SHOC2: variants seen among roughly 807,000 people sequenced by gnomAD.
SHOC2 encodes leucine-rich repeat protein SHOC-2.
In SHOC2, 4 loss-of-function variants were observed where a neutral mutation model predicts 50.2. The ratio of observed to expected loss-of-function variants is 0.08; its 90% CI spans 0.04 to 0.18. The LOEUF is 0.18. Among genes scored for constraint, SHOC2 ranks in the 10% least tolerant of loss-of-function variants. The probability of loss-of-function intolerance (pLI) is 1.00; values close to 1 mark genes in which losing one functional copy is unlikely to be tolerated. For synonymous variants in SHOC2, 218 were observed against 244.5 expected (o/e 0.89, Z 1.01); for missense variants, 388 against 669.6 (o/e 0.58, Z 4.64).
chr10:110,986,519 G>A (rs1181681859), intron 3 of SHOC2, among the ~76,000 whole-genome samples: 1 of 151,774 alleles, frequency 6.6e-6, no homozygotes, highest in Non-Finnish European at 1.5e-5. Context: ...TGCCTCTCAG[G>A]CTGGAGTGCA....
At chr10:110,966,248 A>G (rs1847673050) in intron 2 of SHOC2, among the ~76,000 whole-genome samples, 1 of 152,108 alleles carries the variant, frequency 6.6e-6, no homozygotes, top group African/African-American at 2.4e-5. Flanking sequence ...TAGAAAATTT[A>G]TGATAGGTTT....
At chr10:110,938,613 A>G (rs1456954805) in intron 1 of SHOC2, among the ~76,000 whole-genome samples, 1 of 152,210 alleles carries the variant, frequency 6.6e-6, no homozygotes. Context: ...TAAATTTGGG[A>G]TATCTTCTAT....
rs185983817 is a variant in SHOC2, at chr10:110,993,367, G to T, written c.842-7048G>T. Among the ~76,000 whole-genome samples, 216 of 152,286 alleles carry T rather than the reference G, an allele frequency of 1.4e-3. 1 individual carries two copies. Among genetic ancestry groups the T allele is most frequent in the African/African-American group, 4.4e-3 (182 of 41,568 alleles). Reference sequence around the variant, plus strand: ...TCTGATGTTTTCTTCTGGCGTAAAAGAGTTTTGATATTTCATCCTTAATTT... The same window carrying T: ...TCTGATGTTTTCTTCTGGCGTAAAATAGTTTTGATATTTCATCCTTAATTT... On this transcript the variant is annotated intron_variant, in intron 3 of 8. Transcript: ENST00000369452.
At chr10:110,991,525 A>G (rs1008249589) in intron 3 of SHOC2, among the ~76,000 whole-genome samples, 5 of 152,240 alleles carry the variant, frequency 3.3e-5, no homozygotes, top group African/African-American at 9.6e-5. Context: ...CACCAAGTAT[A>G]GTACAGCTGT....
Position 111,011,819 on chromosome 10 carries a change from T to C in SHOC2, c.*1T>C. 6.2e-7 allele frequency: 1 copy of C among 1,611,218 alleles called. No homozygotes were observed. Among genetic ancestry groups the C allele is most frequent in the Non-Finnish European group, 8.5e-7 (1 of 1,177,374 alleles). ...GGGTCCATATCGTGCCATGGTCTGA[T>C]ATAAATCTGCTGGTCCCACACACTG... On this transcript the variant is annotated 3_prime_UTR_variant, in exon 9 of 9. Transcript: ENST00000369452.
chr10:110,961,285 A>C (rs151337399), intron 1 of SHOC2, among the ~76,000 whole-genome samples: 29 of 152,338 alleles, frequency 1.9e-4, no homozygotes, highest in African/African-American at 6.5e-4. Context: ...AGTTGAAGTG[A>C]TTAAAAAACA....
intron 2 of SHOC2, among the ~76,000 whole-genome samples, chr10:110,967,674 C>G (rs1337912552): frequency 6.6e-6 from 1 of 152,096 alleles, no homozygotes; most frequent in African/African-American, 2.4e-5. Context: ...CTTTCTGTCT[C>G]TATAGATTAG....
At chr10:110,959,440 T>G (rs1001049475) in intron 1 of SHOC2, among the ~76,000 whole-genome samples, 1 of 152,214 alleles carries the variant, frequency 6.6e-6, no homozygotes, top group East Asian at 1.9e-4. Context: ...TCTCCAGACC[T>G]GGCCCATTAA....
At chr10:111,003,494 T>C (rs1290784272) in intron 4 of SHOC2, among the ~76,000 whole-genome samples, 1 of 152,228 alleles carries the variant, frequency 6.6e-6, no homozygotes, top group Non-Finnish European at 1.5e-5. Context: ...CTACTAGGTA[T>C]TGTTAACTTA....
intron 1 of SHOC2, among the ~76,000 whole-genome samples, chr10:110,930,145 A>G (rs548129798): frequency 6.6e-4 from 100 of 152,332 alleles, no homozygotes; most frequent in Non-Finnish European, 1.5e-4. Context: ...TAAAAGTTCT[A>G]TTTAATAAAC....
chr10:110,946,640 A>T (rs1847251846), intron 1 of SHOC2, among the ~76,000 whole-genome samples: 1 of 152,162 alleles, frequency 6.6e-6, no homozygotes, highest in African/African-American at 2.4e-5. Flanking sequence ...ATCTATGCAG[A>T]TGGAATAGCT....
intron 1 of SHOC2, among the ~76,000 whole-genome samples, chr10:110,940,910 GTTTTT>G (rs539552844): frequency 5.9e-5 from 7 of 119,482 alleles, no homozygotes; most frequent in Non-Finnish European, 1.0e-4. Flanking sequence ...TTTGTGGTGG[GTTTTT>G]TTTTTTTTTT....
At chr10:110,933,801 A>G (rs1846941606) in intron 1 of SHOC2, among the ~76,000 whole-genome samples, 3 of 152,192 alleles carry the variant, frequency 2.0e-5, no homozygotes, top group African/African-American at 7.2e-5. Context: ...ACAATGTAGT[A>G]AGACCCTGTC....
chr10:110,934,659 T>G (rs145578826), intron 1 of SHOC2, among the ~76,000 whole-genome samples: 1 of 152,322 alleles, frequency 6.6e-6, no homozygotes, highest in Non-Finnish European at 1.5e-5. Context: ...CTTTTATATC[T>G]TACATGGTGA....
intron 3 of SHOC2, among the ~76,000 whole-genome samples, chr10:110,991,891 T>C (rs1848192331): frequency 6.6e-6 from 1 of 152,156 alleles, no homozygotes; most frequent in South Asian, 2.1e-4. Flanking sequence ...TAACTTAAAA[T>C]GAAAAACAAA....
upstream of SHOC2, chr10:110,919,523 CGGGGCGGGCGGGGCGGGGCGAGTGGGGGA>C (rs1304765387): frequency 1.3e-3 from 130 of 100,982 alleles, no homozygotes; most frequent in Non-Finnish European, 1.6e-3. Flanking sequence ...AGAGTAGTGG[CGGGGCGGGCGGGGCGGGGCGAGTGGGGGA>C]GGGGCGGGCG....
intron 3 of SHOC2, among the ~76,000 whole-genome samples, chr10:110,994,695 T>A (rs1245949910): frequency 1.3e-5 from 2 of 152,216 alleles, no homozygotes; most frequent in African/African-American, 4.8e-5. Flanking sequence ...AAGAAATCCC[T>A]GTATTTTTAT....
chr10:111,010,521 G>A (rs1446746547), intron 8 of SHOC2, among the ~76,000 whole-genome samples: 3 of 152,046 alleles, frequency 2.0e-5, no homozygotes, highest in Admixed American at 6.6e-5. Context: ...ATCACACACC[G>A]GGGCCTGTCG....
chr10:110,982,146 A>G (rs981650500), intron 2 of SHOC2, among the ~76,000 whole-genome samples: 9 of 147,946 alleles, frequency 6.1e-5, no homozygotes, highest in African/African-American at 9.9e-5. Context: ...GAGAATGATG[A>G]TTTCCAATTT....
Sources: gnomAD v4.1 joint callset for allele counts (sites outside exome capture counted in the v4.1 genomes callset) on GRCh38, gnomAD v4.1.1 for gene constraint, MANE v1.5 for transcripts, NCBI Gene and HGNC (gene_info 2026-07-23, HGNC 2026-07-21) for gene names.